Variants in NAALADL2 observed in about 807,000 individuals in gnomAD.
The protein encoded by NAALADL2 is N-acetylated alpha-linked acidic dipeptidase like 2.
A neutral mutation model predicts 87.2 loss-of-function variants in NAALADL2; 76 were observed. The ratio of observed to expected loss-of-function variants is 0.87; its 90% CI spans 0.72 to 1.05. The LOEUF is 1.05. NAALADL2 is among the 50% of genes least tolerant of loss of function. NAALADL2 has a pLI of 0.00. For synonymous variants in NAALADL2, 354 were observed against 331.0 expected, an observed-to-expected ratio of 1.07 and a Z score of -0.75; for missense variants, 1,089 against 945.8, an observed-to-expected ratio of 1.15 and a Z score of -1.99.
chr3:174,773,764 T>C (rs1368973074), intron 3 of NAALADL2, among the ~76,000 whole-genome samples: 2 of 152,140 alleles, frequency 1.3e-5, no homozygotes, highest in Admixed American at 6.6e-5. Context: ...ATTGTTAAAT[T>C]CTTTCCTTTG....
chr3:175,256,711 T>C (rs1750010289), intron 4 of NAALADL2, 181 bp downstream of exon 4: 1 of 445,638 alleles, frequency 2.2e-6, no homozygotes. Flanking sequence ...ATTAGAACAT[T>C]TTAATTTAAG....
intron 1 of NAALADL2, among the ~76,000 whole-genome samples, chr3:174,457,577 G>A (rs1268907980): frequency 6.6e-6 from 1 of 152,188 alleles, no homozygotes; most frequent in Non-Finnish European, 1.5e-5. Context: ...TGTAGTCCTA[G>A]CACTTTGGGA....
chr3:175,284,558 A>G lies in NAALADL2; in HGVS notation c.939+28028A>G, dbSNP rs550474081. Among the ~76,000 whole-genome samples, 263 of 152,062 alleles carry G rather than the reference A, an allele frequency of 1.7e-3. 1 individual carries two copies. Among genetic ancestry groups the G allele is most frequent in the African/African-American group, 5.9e-3 (245 of 41,502 alleles). Reference sequence around the variant, plus strand: ...TCTTAGTTAGCTTATCAATCCAACAATTTGTTTTCTTTGTCTCTTAAAATT... The same window carrying G: ...TCTTAGTTAGCTTATCAATCCAACAGTTTGTTTTCTTTGTCTCTTAAAATT... On this transcript the variant is annotated intron_variant, in intron 4 of 13. Transcript: ENST00000454872.
At chr3:175,496,959 T>C (rs1728903499) in intron 9 of NAALADL2, among the ~76,000 whole-genome samples, 1 of 152,172 alleles carries the variant, frequency 6.6e-6, no homozygotes, top group East Asian at 1.9e-4. Context: ...TAAATATTAT[T>C]ATAACTTGAC....
In NAALADL2 at chr3:175,806,732, A is replaced by G. The variant is rs186652698; in HGVS notation, c.*3529A>G. On this transcript the variant is annotated 3_prime_UTR_variant, in exon 14 of 14. Transcript: ENST00000454872. ...TTTTTTTTAATTCCCACAACAACCC[A>G]TTTCAAAATGAGAAAACTAGGTTGA... 7.6e-6 allele frequency: 1 copy of G among 130,848 alleles called. No individual in the cohort carries two copies. The highest frequency in any genetic ancestry group is 2.8e-5 in the African/African-American group (1 of 35,154). The allele number at this position is 130,848 out of a possible 1,614,324, so 8.1% of individuals were successfully genotyped here.
chr3:175,154,061 T>A (rs1731947833), intron 2 of NAALADL2, among the ~76,000 whole-genome samples: 1 of 152,208 alleles, frequency 6.6e-6, no homozygotes, highest in East Asian at 1.9e-4. Context: ...TTGAGGGGAT[T>A]TACCCAGAGT....
rs377180436 is a variant in NAALADL2, at chr3:174,632,243, C to T, written c.-115+81606C>T. Among the ~76,000 whole-genome samples the T allele has an allele frequency of 2.2e-3, 339 of 152,178 alleles. 3 individuals carry two copies. The South Asian group carries it at 0.024, about 11-fold the overall frequency. ...ACTATGTTAAAGGATTGTTTAAAAA[C>T]GCTAAACACGTTCAATAAACCAACA... is the stretch of plus-strand genomic sequence containing the variant. On this transcript the variant is annotated intron_variant, in intron 2 of 3. Transcript: ENST00000434257.
intron 10 of NAALADL2, among the ~76,000 whole-genome samples, chr3:175,605,326 A>T (rs1007008054): frequency 8.6e-5 from 13 of 152,022 alleles, no homozygotes; most frequent in African/African-American, 1.5e-4. Flanking sequence ...AAATCTACAT[A>T]TGTTTTCTAA....
At chr3:174,468,384 C>CTTTTTTTT (rs67829845) in intron 1 of NAALADL2, among the ~76,000 whole-genome samples, 1 of 132,738 alleles carries the variant, frequency 7.5e-6, no homozygotes. Flanking sequence ...CTTTCTTTTT[C>CTTTTTTTT]TTTTTTTTTT....
intron 1 of NAALADL2, among the ~76,000 whole-genome samples, chr3:175,058,222 A>C (rs1712642280): frequency 6.6e-6 from 1 of 152,226 alleles, no homozygotes; most frequent in Non-Finnish European, 1.5e-5. Context: ...CACAATGTGG[A>C]AACCTGGAGT....
chr3:175,255,253 T>C (rs1749730094), intron 3 of NAALADL2, among the ~76,000 whole-genome samples: 2 of 152,238 alleles, frequency 1.3e-5, no homozygotes, highest in South Asian at 4.1e-4. Context: ...AAATATTTCA[T>C]GCCAGAAATA....
rs75666607 is a variant in NAALADL2 at position 175,023,047 on chromosome 3, A to G, written c.44-73743A>G. Among the ~76,000 whole-genome samples, 1,264 of 152,188 alleles carry G rather than the reference A, an allele frequency of 8.3e-3. 20 individuals carry two copies. The highest frequency in any genetic ancestry group is 0.029 in the African/African-American group (1,212 of 41,564). ...TTCTCTGGTTGGTCGATTAGAAGATAGTTGTACTGAAGTCATTATTTGCAT... is the reference window on the plus strand; with the variant it reads ...TTCTCTGGTTGGTCGATTAGAAGATGGTTGTACTGAAGTCATTATTTGCAT... On this transcript the variant is annotated intron_variant, in intron 1 of 13. Coordinates refer to ENST00000454872, the MANE Select transcript of NAALADL2 (RefSeq NM_207015.3).
intron 9 of NAALADL2, among the ~76,000 whole-genome samples, chr3:175,513,166 A>G (rs916128588): frequency 7.2e-5 from 11 of 152,212 alleles, no homozygotes; most frequent in Admixed American, 5.9e-4. Context: ...TTTAATGAAT[A>G]TTATTAATGG....
At chr3:174,654,828 C>A (rs1484288692) in intron 2 of NAALADL2, among the ~76,000 whole-genome samples, 4 of 152,114 alleles carry the variant, frequency 2.6e-5, no homozygotes, top group Non-Finnish European at 4.4e-5. Context: ...CTCTGCCTCC[C>A]GGGTTCAAGC....
chr3:175,284,133 C>T (rs972748495), intron 4 of NAALADL2, among the ~76,000 whole-genome samples: 3 of 151,010 alleles, frequency 2.0e-5, no homozygotes, highest in Admixed American at 6.6e-5. Flanking sequence ...AACTGGAATG[C>T]CCTGGAAATG....
At chr3:175,132,378 G>C (rs1432498490) in intron 2 of NAALADL2, among the ~76,000 whole-genome samples, 1 of 85,282 alleles carries the variant, frequency 1.2e-5, no homozygotes, top group African/African-American at 6.0e-5. Context: ...CTTCCCAGTA[G>C]GGGCGGCCGG....
intron 1 of NAALADL2, among the ~76,000 whole-genome samples, chr3:175,014,427 G>A (rs1417354153): frequency 2.0e-5 from 3 of 151,928 alleles, no homozygotes; most frequent in Non-Finnish European, 4.4e-5. Context: ...GCTTCATATT[G>A]TCTGACTGCT....
At chr3:175,663,269 A>C (rs781658806) in intron 11 of NAALADL2, among the ~76,000 whole-genome samples, 1 of 151,568 alleles carries the variant, frequency 6.6e-6, no homozygotes. Context: ...TTATGGTTGA[A>C]TCTTAGTAGA....
chr3:174,887,669 C>T (rs1730340325), intron 1 of NAALADL2, among the ~76,000 whole-genome samples: 1 of 152,070 alleles, frequency 6.6e-6, no homozygotes, highest in Non-Finnish European at 1.5e-5. Flanking sequence ...TGGTGGTGCA[C>T]ACCTGTAGTT....
Sources: allele counts gnomAD v4.1 joint callset (sites outside exome capture counted in the v4.1 genomes callset), GRCh38; gene constraint gnomAD v4.1.1; transcripts MANE v1.5; gene names NCBI Gene and HGNC (gene_info 2026-07-23, HGNC 2026-07-21).